Variants in RSRC1 observed in about 807,000 individuals in gnomAD.
RSRC1 encodes the protein arginine and serine rich coiled-coil 1.
RSRC1 carries 39 observed loss-of-function variants against 49.1 expected under a neutral mutation model. The observed-to-expected ratio is 0.79, with a 90% CI of 0.61 to 1.04. RSRC1 has a LOEUF of 1.04. Among genes scored for constraint, RSRC1 ranks in the 50% least tolerant of loss-of-function variants. The pLI, the probability that RSRC1 is intolerant of heterozygous loss-of-function variation, is 0.00. For synonymous variants in RSRC1, 143 were observed against 130.8 expected, an observed-to-expected ratio of 1.09 and a Z score of -0.63; for missense variants, 388 against 402.4, an observed-to-expected ratio of 0.96 and a Z score of 0.31.
intron 3 of RSRC1, among the ~76,000 whole-genome samples, chr3:158,151,680 A>C (rs1276155490): frequency 6.6e-6 from 1 of 152,164 alleles, no homozygotes; most frequent in East Asian, 1.9e-4. Context: ...GTATTCTTAA[A>C]ATCTAGTGAG....
chr3:158,500,307 G>T (rs1168324293), intron 7 of RSRC1, among the ~76,000 whole-genome samples: 1 of 152,116 alleles, frequency 6.6e-6, no homozygotes, highest in Non-Finnish European at 1.5e-5. Flanking sequence ...GTTCATCAAG[G>T]ATATCGGTCT....
Position 158,290,883 on chromosome 3 carries a change from CAA to C in RSRC1, c.495-7150_495-7149del, listed in dbSNP as rs549939615. On this transcript the variant is annotated intron_variant, in intron 4 of 9. Transcript: ENST00000611884. ...AGTAAATAATATGTTTAGTTCATGA[CAA>C]AAAAATCTACTGTACATTTTTATTT... Among the ~76,000 whole-genome samples the C allele has an allele frequency of 1.2e-4, 19 of 152,192 alleles. No homozygotes were observed. In the East Asian group the frequency reaches 3.7e-3, roughly 29 times the overall value.
intron 6 of RSRC1, among the ~76,000 whole-genome samples, chr3:158,449,653 C>A (rs1031868980): frequency 5.9e-5 from 9 of 151,738 alleles, no homozygotes; most frequent in Admixed American, 5.9e-4. Flanking sequence ...ACTTTAAGTT[C>A]TAGGGTACAT....
intron 3 of RSRC1, among the ~76,000 whole-genome samples, chr3:158,184,391 A>T (rs1319478616): frequency 6.6e-6 from 1 of 152,182 alleles, no homozygotes; most frequent in Admixed American, 6.6e-5. Flanking sequence ...GTCCCTGAGC[A>T]TATAACACAG....
At chr3:158,291,100 C>G (rs1469530476) in intron 4 of RSRC1, among the ~76,000 whole-genome samples, 1 of 152,132 alleles carries the variant, frequency 6.6e-6, no homozygotes, top group Non-Finnish European at 1.5e-5. Context: ...ACTTGGGAGC[C>G]TGAGGATGGA....
chr3:158,161,934 C>T (rs898752595), intron 3 of RSRC1, among the ~76,000 whole-genome samples: 5 of 152,100 alleles, frequency 3.3e-5, no homozygotes, highest in African/African-American at 1.2e-4. Flanking sequence ...TGAAGCAAAT[C>T]GTATCACTGC....
At chr3:158,260,202 G>C (rs900362912) in intron 4 of RSRC1, among the ~76,000 whole-genome samples, 2 of 152,148 alleles carry the variant, frequency 1.3e-5, no homozygotes, top group Non-Finnish European at 2.9e-5. Flanking sequence ...CCGCAAGCCA[G>C]CTTGGCTCTG....
chr3:158,524,522 A>G (rs148499453), intron 7 of RSRC1, among the ~76,000 whole-genome samples: 13 of 152,138 alleles, frequency 8.5e-5, no homozygotes, highest in African/African-American at 3.1e-4. Context: ...TGCAGAATTC[A>G]TATTCTGATA....
intron 4 of RSRC1, among the ~76,000 whole-genome samples, chr3:158,244,409 G>T (rs1723770899): frequency 6.6e-6 from 1 of 152,114 alleles, no homozygotes; most frequent in Non-Finnish European, 1.5e-5. Flanking sequence ...TTCTGCATAT[G>T]TGATTAATTT....
At chr3:158,172,208 AGAAACTCAGT>A (rs1237755224) in intron 3 of RSRC1, among the ~76,000 whole-genome samples, 2 of 152,196 alleles carry the variant, frequency 1.3e-5, no homozygotes, top group Non-Finnish European at 2.9e-5. Context: ...TTTAGATTTA[AGAAACTCAGT>A]GAATCCCAAA....
At chr3:158,308,404 A>T (rs1002667774) in intron 5 of RSRC1, among the ~76,000 whole-genome samples, 1 of 151,940 alleles carries the variant, frequency 6.6e-6, no homozygotes, top group African/African-American at 2.4e-5. Context: ...ATCATATTTG[A>T]TGTAGCAGGC....
intron 5 of RSRC1, among the ~76,000 whole-genome samples, chr3:158,319,119 T>C (rs1728619430): frequency 6.6e-6 from 1 of 152,158 alleles, no homozygotes. Context: ...ATGTCTGATA[T>C]GGTTTGGCTC....
intron 6 of RSRC1, among the ~76,000 whole-genome samples, chr3:158,452,623 G>A (rs1452132546): frequency 2.6e-5 from 4 of 152,160 alleles, no homozygotes. Context: ...TTGTCTTAGT[G>A]TTAATGTGGA....
At chr3:158,186,950 T>C (rs1242515302) in intron 3 of RSRC1, among the ~76,000 whole-genome samples, 3 of 151,972 alleles carry the variant, frequency 2.0e-5, no homozygotes, top group African/African-American at 7.2e-5. Flanking sequence ...TTTGATAATA[T>C]TTTAGAAATG....
intron 4 of RSRC1, among the ~76,000 whole-genome samples, chr3:158,213,746 A>C (rs780720061): frequency 2.0e-5 from 3 of 151,952 alleles, no homozygotes; most frequent in African/African-American, 7.2e-5. Flanking sequence ...CTTGAGAAAG[A>C]TAAAGGAGGG....
chr3:158,164,997 A>G (rs563451419), intron 3 of RSRC1, among the ~76,000 whole-genome samples: 1 of 152,262 alleles, frequency 6.6e-6, no homozygotes, highest in South Asian at 2.1e-4. Flanking sequence ...AAGTTTCTCC[A>G]AATTAGATTT....
intron 7 of RSRC1, among the ~76,000 whole-genome samples, chr3:158,499,135 T>C (rs1330646387): frequency 1.3e-5 from 2 of 152,166 alleles, no homozygotes; most frequent in African/African-American, 2.4e-5. Context: ...CCCAGCACTT[T>C]GGGAAGCCGA....
chr3:158,226,221 T>C (rs1722525137), intron 4 of RSRC1, among the ~76,000 whole-genome samples: 1 of 151,908 alleles, frequency 6.6e-6, no homozygotes, highest in Non-Finnish European at 1.5e-5. Context: ...CAAAGAGTTG[T>C]TGGTGGGGCA....
intron 4 of RSRC1, among the ~76,000 whole-genome samples, chr3:158,282,979 A>T (rs1025484056): frequency 1.3e-5 from 2 of 152,190 alleles, no homozygotes; most frequent in African/African-American, 4.8e-5. Context: ...ATTATTGAAG[A>T]GTTCACCATT....
Sources: gnomAD v4.1 joint callset for allele counts (sites outside exome capture counted in the v4.1 genomes callset) on GRCh38, gnomAD v4.1.1 for gene constraint, MANE v1.5 for transcripts, NCBI Gene and HGNC (gene_info 2026-07-23, HGNC 2026-07-21) for gene names.